The following LRBA variants were observed in gnomAD, a reference collection of about 807,000 sequenced individuals.
LRBA encodes the protein lipopolysaccharide-responsive and beige-like anchor protein.
A neutral mutation model predicts 330.0 loss-of-function variants in LRBA; 176 were observed. That is an observed-to-expected ratio of 0.53 (90% CI 0.47 to 0.60). LRBA has a LOEUF of 0.60. LRBA is among the 20% of genes least tolerant of loss of function. The pLI is 0.00. For missense variants in LRBA, 3,259 were observed against 3,444.8 expected (o/e 0.95, Z 1.35); for synonymous variants, 1,230 against 1,193.0 (o/e 1.03, Z -0.64).
chr4:150,802,353 T>G (rs1414066224), intron 33 of LRBA, among the ~76,000 whole-genome samples: 1 of 151,418 alleles, frequency 6.6e-6, no homozygotes. Context: ...TTCGTGGGTT[T>G]TTTTTTTTTA....
At position 150,590,856 on chromosome 4, in the gene LRBA, G is replaced by C; in HGVS notation, c.6050C>G (p.Thr2017Arg). The C allele has an allele frequency of 6.2e-7, 1 of 1,613,546 alleles. No individual in the cohort carries two copies. Among genetic ancestry groups the C allele is most frequent in the Admixed American group, 1.7e-5 (1 of 59,970 alleles). The stretch of plus-strand genomic sequence containing the variant: ...TCCTTTAGCAAGGATATCTTCATCT[G>C]TGGCTGAAATGAAAAGGAAACAAAG... ...ATLKTAVEHA[T>R]DEDILAKGKQ... is the part of the protein sequence containing the mutation. Residue 2017 changes from threonine (T) to arginine (R), a missense_variant, in exon 39 of 57, where the codon ACA becomes AGA. Physicochemically the swap from Thr to Arg is moderately conservative, Grantham distance 71. Transcript: ENST00000651943.
chr4:150,526,526 T>C (rs1231146550), intron 40 of LRBA, among the ~76,000 whole-genome samples: 1 of 152,178 alleles, frequency 6.6e-6, no homozygotes, highest in Non-Finnish European at 1.5e-5. Flanking sequence ...AAAAGATGGA[T>C]AAATATGTTA....
intron 37 of LRBA, among the ~76,000 whole-genome samples, chr4:150,671,585 A>C (rs1253067917): frequency 6.6e-6 from 1 of 152,210 alleles, no homozygotes; most frequent in African/African-American, 2.4e-5. Context: ...GTCACTAAGT[A>C]CCCATAAAAG....
At chr4:150,805,339 G>GAAAGGAAAGA (rs1210401526) in intron 33 of LRBA, among the ~76,000 whole-genome samples, 4 of 133,370 alleles carry the variant, frequency 3.0e-5, no homozygotes, top group Non-Finnish European at 6.3e-5. Flanking sequence ...GAAAGGAAAG[G>GAAAGGAAAGA]AGAAGGAGAA....
chr4:150,712,054 G>A (rs984228050), intron 36 of LRBA, among the ~76,000 whole-genome samples: 1 of 152,024 alleles, frequency 6.6e-6, no homozygotes, highest in South Asian at 2.1e-4. Context: ...AATTCTTCTG[G>A]TGCAACTCAA....
intron 47 of LRBA, among the ~76,000 whole-genome samples, chr4:150,380,977 C>T (rs1275668618): frequency 5.4e-4 from 39 of 72,186 alleles, no homozygotes; most frequent in Non-Finnish European, 7.8e-4. Flanking sequence ...AGCGAAACTC[C>T]ATCTCAAAAA....
At chr4:150,995,824 T>C (rs1742571222) in intron 2 of LRBA, among the ~76,000 whole-genome samples, 1 of 152,106 alleles carries the variant, frequency 6.6e-6, no homozygotes, top group Non-Finnish European at 1.5e-5. Flanking sequence ...TGGAAAAATT[T>C]GGATATTAGA....
rs72719619 is a variant in LRBA, at chr4:150,796,183, A to G, written c.5580+1898T>C. Among the ~76,000 whole-genome samples the G allele has an allele frequency of 1.6e-3, 242 of 152,028 alleles. 1 individual carries two copies. Among genetic ancestry groups the G allele is most frequent in the Admixed American group, 3.6e-3 (55 of 15,264 alleles). On this transcript the variant is annotated intron_variant, in intron 34 of 56. Coordinates refer to ENST00000651943, the MANE Select transcript of LRBA (RefSeq NM_001364905.1). ...CAAACTCAAGCCATCCCCACCCAGG[A>G]TCTGTAAAATGTCGACTTGAAATTC...
chr4:150,995,522 G>GA (rs1339117336), intron 2 of LRBA, among the ~76,000 whole-genome samples: 1 of 151,782 alleles, frequency 6.6e-6, no homozygotes, highest in Admixed American at 6.6e-5. Flanking sequence ...ACATGAATAT[G>GA]AAAAAATCAA....
intron 40 of LRBA, among the ~76,000 whole-genome samples, chr4:150,496,921 A>G (rs1444129977): frequency 6.6e-6 from 1 of 152,118 alleles, no homozygotes; most frequent in Non-Finnish European, 1.5e-5. Context: ...ACAATGGCTA[A>G]GAAAGTCTAG....
At chr4:150,562,858 G>T (rs932922192) in intron 40 of LRBA, among the ~76,000 whole-genome samples, 3 of 151,800 alleles carry the variant, frequency 2.0e-5, no homozygotes, top group Non-Finnish European at 4.4e-5. Flanking sequence ...GGAATGCAGT[G>T]GGATGATCAT....
intron 40 of LRBA, chr4:150,579,304 A>G (rs1035933056): frequency 2.9e-5 from 13 of 455,878 alleles, no homozygotes; most frequent in Non-Finnish European, 4.8e-5. Context: ...CCAGAGGAAG[A>G]GAGGACCGCA....
intron 44 of LRBA, among the ~76,000 whole-genome samples, chr4:150,447,250 G>C (rs1286491709): frequency 6.6e-6 from 1 of 152,192 alleles, no homozygotes; most frequent in African/African-American, 2.4e-5. Flanking sequence ...ACAGGGTGCA[G>C]AGATTAAGCA....
At chr4:150,534,980 A>T (rs1286727395) in intron 40 of LRBA, among the ~76,000 whole-genome samples, 1 of 152,214 alleles carries the variant, frequency 6.6e-6, no homozygotes, top group Non-Finnish European at 1.5e-5. Context: ...TTTTAAAATC[A>T]TTATTTCACA....
At chr4:150,309,758 G>C (rs1471590622) in intron 52 of LRBA, among the ~76,000 whole-genome samples, 1 of 152,088 alleles carries the variant, frequency 6.6e-6, no homozygotes, top group African/African-American at 2.4e-5. Context: ...CTTCATGATG[G>C]TGTAGATTTC....
intron 28 of LRBA, among the ~76,000 whole-genome samples, chr4:150,840,389 T>G (rs894565073): frequency 1.3e-5 from 2 of 152,204 alleles, no homozygotes; most frequent in Non-Finnish European, 2.9e-5. Context: ...TTATTTAAAG[T>G]GAGAGACATG....
chr4:150,619,766 T>A lies in LRBA; in HGVS notation c.5922-20635A>T, dbSNP rs74964573. ...AGCTTCTAGCACAAGAAGAAGCAAC[T>A]AGTATGCACTTAAATAAAGCCCATC... On this transcript the variant is annotated intron_variant, in intron 37 of 56. Coordinates refer to ENST00000651943, the MANE Select transcript of LRBA (RefSeq NM_001364905.1). 5.4e-4 allele frequency among the ~76,000 whole-genome samples: 82 copies of A among 152,280 alleles called. No homozygotes were observed. The East Asian group carries it at 0.011, about 21-fold the overall frequency.
At chr4:150,592,322 G>A (rs1401265948) in intron 38 of LRBA, among the ~76,000 whole-genome samples, 2 of 151,408 alleles carry the variant, frequency 1.3e-5, no homozygotes, top group African/African-American at 4.8e-5. Flanking sequence ...GCAGATCAAA[G>A]GTTCTTAGGG....
Position 150,388,083 on chromosome 4 carries a change from A to G in LRBA, c.7194+27355T>C, listed in dbSNP as rs535795841. 2.0e-5 allele frequency among the ~76,000 whole-genome samples: 3 copies of G among 152,326 alleles called. No individual in the cohort carries two copies. In the East Asian group the frequency reaches 5.8e-4, roughly 29 times the overall value. On this transcript the variant is annotated intron_variant, in intron 47 of 56. Transcript: ENST00000651943. ...ATTTCTGAAAGCTGAAAAGTCCAAGATCAAGGTTCCCATAAGATTTGGTTT... is the reference window on the plus strand; with the variant it reads ...ATTTCTGAAAGCTGAAAAGTCCAAGGTCAAGGTTCCCATAAGATTTGGTTT...
Sources: allele counts gnomAD v4.1 joint callset (sites outside exome capture counted in the v4.1 genomes callset), GRCh38; gene constraint gnomAD v4.1.1; transcripts MANE v1.5; gene names NCBI Gene and HGNC (gene_info 2026-07-23, HGNC 2026-07-21).